Variants in TBC1D10A observed in about 807,000 individuals in gnomAD.
TBC1D10A encodes the protein TBC1 domain family member 10A.
A neutral mutation model predicts 52.9 loss-of-function variants in TBC1D10A; 24 were observed. That is an observed-to-expected ratio of 0.45 (90% CI 0.33 to 0.64). The LOEUF is 0.64. Ranked by LOEUF, TBC1D10A falls within the 30% of genes least tolerant of loss-of-function variation. TBC1D10A has a pLI of 0.02. For synonymous variants in TBC1D10A, 278 were observed against 282.9 expected (o/e 0.98, Z 0.17); for missense variants, 602 against 687.9 (o/e 0.88, Z 1.40).
At chr22:30,316,053 A>C (rs1260279505) in intron 1 of TBC1D10A, among the ~76,000 whole-genome samples, 2 of 152,182 alleles carry the variant, frequency 1.3e-5, no homozygotes, top group African/African-American at 4.8e-5. Flanking sequence ...ATAGCCTACC[A>C]ATTTCCCATT....
At chr22:30,309,231 G>A (rs957482939) in intron 1 of TBC1D10A, among the ~76,000 whole-genome samples, 2 of 150,308 alleles carry the variant, frequency 1.3e-5, no homozygotes, top group Non-Finnish European at 3.0e-5. Flanking sequence ...GTAAGCCTGG[G>A]TAATCTGCCA....
chr22:30,292,749 G>T lies in TBC1D10A; in HGVS notation c.1153C>A (p.Pro385Thr), dbSNP rs769683122. Reference protein sequence around the residue: ...TRGELQCRSPPRLHGAKAILD... With the variant: ...TRGELQCRSPTRLHGAKAILD... Reference sequence around the variant, plus strand: ...ATAGCCTTGGCACCATGCAGCCTGGGCGGGGAGCGGCACTGCAGCTCACCC... The same window carrying T: ...ATAGCCTTGGCACCATGCAGCCTGGTCGGGGAGCGGCACTGCAGCTCACCC... Residue 385 changes from proline (P) to threonine (T), a missense_variant, in exon 9 of 9, where the codon CCC becomes ACC. Coordinates refer to ENST00000215790, the MANE Select transcript of TBC1D10A (RefSeq NM_031937.3). 6.2e-7 allele frequency: 1 copy of T among 1,611,918 alleles called. No homozygotes were observed. Among genetic ancestry groups the T allele is most frequent in the South Asian group, 1.1e-5 (1 of 90,926 alleles).
chr22:30,299,583 A>C, intron 2 of TBC1D10A, 32 bp from the exon 3 acceptor site: 1 of 1,607,804 alleles, frequency 6.2e-7, no homozygotes, highest in Non-Finnish European at 8.5e-7. Flanking sequence ...GAGCCCATGC[A>C]GCCACCCAGG....
chr22:30,294,363 A>G (rs574505777), intron 6 of TBC1D10A, among the ~76,000 whole-genome samples: 9 of 152,294 alleles, frequency 5.9e-5, no homozygotes, highest in Non-Finnish European at 1.3e-4. Context: ...GAATGCCCCT[A>G]ACAAGGCTGG....
rs577957609 is a variant in TBC1D10A at position 30,317,745 on chromosome 22, G to A, written c.209+8928C>T. Among the ~76,000 whole-genome samples the A allele has an allele frequency of 1.9e-3, 286 of 152,264 alleles. 3 individuals are homozygous for A. Among genetic ancestry groups the A allele is most frequent in the African/African-American group, 6.6e-3 (273 of 41,550 alleles). ...AGCCTCTGTAGTAGCTAGGACTACCGGCACGTGCCACCATGCCCAGCTAAT... is the reference window on the plus strand; with the variant it reads ...AGCCTCTGTAGTAGCTAGGACTACCAGCACGTGCCACCATGCCCAGCTAAT... On this transcript the variant is annotated intron_variant, in intron 1 of 8. Transcript: ENST00000215790.
At chr22:30,301,738 G>A (rs1930205445) in intron 2 of TBC1D10A, among the ~76,000 whole-genome samples, 1 of 152,206 alleles carries the variant, frequency 6.6e-6, no homozygotes, top group South Asian at 2.1e-4. Flanking sequence ...GTCAGAGAGA[G>A]TCAAGAACCA....
chr22:30,296,098 G>A (rs1055138371), intron 3 of TBC1D10A: 2 of 489,378 alleles, frequency 4.1e-6, no homozygotes, highest in Non-Finnish European at 7.3e-6. Flanking sequence ...GAGGGCAAGA[G>A]TGTCCACTCC....
At chr22:30,308,638 C>T (rs1930367284) in intron 1 of TBC1D10A, among the ~76,000 whole-genome samples, 1 of 152,206 alleles carries the variant, frequency 6.6e-6, no homozygotes, top group Non-Finnish European at 1.5e-5. Flanking sequence ...GTGAAATATG[C>T]ACTTCATTAC....
At position 30,308,284 on chromosome 22, in the gene TBC1D10A, A is replaced by ATGCCTGCATGCATGCC. The variant is rs1555973977; in HGVS notation, c.210-3655_210-3654insGGCATGCATGCAGGCA. 8.9e-4 allele frequency among the ~76,000 whole-genome samples: 107 copies of ATGCCTGCATGCATGCC among 119,746 alleles called. 1 individual carries two copies. The highest frequency in any genetic ancestry group is 3.2e-3 in the African/African-American group (101 of 31,486). 78.6% of individuals were successfully genotyped at this position (119,746 alleles called of 152,430 possible). A position where few individuals can be genotyped will look rare whatever the true frequency, so the allele number is the denominator to read the frequency against. ...AGCCCTCAGCCTCCACACAGCCTGCATGCCTGCATGCCTGCATGCCTGCCT... is the reference window on the plus strand; with the variant it reads ...AGCCCTCAGCCTCCACACAGCCTGCATGCCTGCATGCATGCCTGCCTGCATGCCTGCATGCCTGCCT... On this transcript the variant is annotated intron_variant, in intron 1 of 8. Coordinates refer to ENST00000215790, the MANE Select transcript of TBC1D10A (RefSeq NM_031937.3).
intron 1 of TBC1D10A, among the ~76,000 whole-genome samples, chr22:30,314,682 C>T (rs1171136472): frequency 6.6e-6 from 1 of 151,934 alleles, no homozygotes; most frequent in Non-Finnish European, 1.5e-5. Context: ...CATAGTGCTG[C>T]ATGTCTGTAG....
At chr22:30,317,385 T>G (rs1191431603) in intron 1 of TBC1D10A, among the ~76,000 whole-genome samples, 1 of 152,130 alleles carries the variant, frequency 6.6e-6, no homozygotes, top group East Asian at 1.9e-4. Flanking sequence ...CACTCCAGCC[T>G]GCGCAAAAGA....
intron 6 of TBC1D10A, 71 bp downstream of exon 6, chr22:30,294,725 T>G (rs538803095): frequency 6.2e-7 from 1 of 1,602,650 alleles, no homozygotes; most frequent in Admixed American, 1.7e-5. Context: ...GGAGTTACTA[T>G]GAGAGAAGGG....
intron 1 of TBC1D10A, among the ~76,000 whole-genome samples, chr22:30,306,341 T>C (rs987530524): frequency 1.3e-5 from 2 of 152,218 alleles, no homozygotes; most frequent in Admixed American, 6.5e-5. Context: ...AATATGTCTA[T>C]CTGATACCTC....
At chr22:30,301,780 T>G (rs991645635) in intron 2 of TBC1D10A, among the ~76,000 whole-genome samples, 1 of 151,836 alleles carries the variant, frequency 6.6e-6, no homozygotes, top group Non-Finnish European at 1.5e-5. Context: ...CTGAGGGTGG[T>G]GGGGGAAGAG....
At chr22:30,293,057 G>A (rs768097342) in intron 8 of TBC1D10A, 17 of 628,412 alleles carry the variant, frequency 2.7e-5, no homozygotes, top group Admixed American at 1.1e-4. Context: ...GAGACCCACC[G>A]CCTCAGAGGA....
intron 8 of TBC1D10A, chr22:30,293,416 T>C: frequency 1.4e-6 from 1 of 733,184 alleles, no homozygotes; most frequent in South Asian, 1.5e-5. Flanking sequence ...TGGGTCAACA[T>C]TCTTCTTCAT....
intron 2 of TBC1D10A, chr22:30,300,578 A>C (rs533495360): frequency 6.6e-6 from 1 of 152,374 alleles, no homozygotes; most frequent in East Asian, 1.9e-4. Context: ...CATGAGATGA[A>C]CCAGAATGTG....
Position 30,294,066 on chromosome 22 carries a change from C to T in TBC1D10A, c.750G>A (p.Gln250=), listed in dbSNP as rs1300155977. The T allele has an allele frequency of 1.2e-6, 2 of 1,613,990 alleles. No homozygotes were observed. The highest frequency in any genetic ancestry group is 1.7e-6 in the Non-Finnish European group (2 of 1,180,026). ...LDGEILFSLL[Q]KVSPVAHKHL... ...GCTTGTGGGCCACCGGCGACACCTT[C>T]TGCAACAGCGAGAAAAGGATCTCCC... Residue 250 remains glutamine (Q), a synonymous_variant, in exon 7 of 9, where the codon CAG becomes CAA. Coordinates refer to ENST00000215790, the MANE Select transcript of TBC1D10A (RefSeq NM_031937.3).
At position 30,323,895 on chromosome 22, in the gene TBC1D10A, C is replaced by T. The variant is rs145665231; in HGVS notation, c.209+2778G>A. ...CTGAGACAGGAGAATCACTTGAACC[C>T]GGGAGGCAGATGTTGCAGTGAGTTG... On this transcript the variant is annotated intron_variant, in intron 1 of 8. Coordinates refer to ENST00000215790, the MANE Select transcript of TBC1D10A (RefSeq NM_031937.3). 2.1e-3 allele frequency among the ~76,000 whole-genome samples: 319 copies of T among 152,222 alleles called. 4 individuals are homozygous for T. The highest frequency in any genetic ancestry group is 7.2e-3 in the African/African-American group (301 of 41,530).
Sources: allele counts gnomAD v4.1 joint callset (sites outside exome capture counted in the v4.1 genomes callset), GRCh38; gene constraint gnomAD v4.1.1; transcripts MANE v1.5; gene names NCBI Gene and HGNC (gene_info 2026-07-23, HGNC 2026-07-21).